Variants in ZNF875 observed in about 807,000 individuals in gnomAD.
ZNF875 encodes zinc finger protein 875.
A neutral mutation model predicts 11.2 loss-of-function variants in ZNF875; 14 were observed. The ratio of observed to expected loss-of-function variants is 1.26; its 90% CI spans 0.83 to 1.96. The LOEUF (loss-of-function observed/expected upper bound fraction) is 1.96. Among genes scored for constraint, ZNF875 ranks in the 30% most tolerant of loss-of-function variants. The pLI is 0.00. For missense variants in ZNF875, 752 were observed against 760.4 expected, an observed-to-expected ratio of 0.99 and a Z score of 0.13; for synonymous variants, 301 against 281.1, an observed-to-expected ratio of 1.07 and a Z score of -0.71.
At chr19:37,339,523 T>C (rs2035225101) in intron 2 of ZNF875, among the ~76,000 whole-genome samples, 1 of 151,084 alleles carries the variant, frequency 6.6e-6, no homozygotes. Flanking sequence ...CCCACAGCAG[T>C]TGGAGATTTG....
intron 4 of ZNF875, among the ~76,000 whole-genome samples, chr19:37,349,966 T>C (rs2037522706): frequency 3.3e-5 from 1 of 30,078 alleles, no homozygotes; most frequent in Admixed American, 3.5e-4. Context: ...CCACTGGCCT[T>C]TTTTTTTTTT....
At chr19:37,333,100 A>G (rs573041151), upstream of ZNF875, among the ~76,000 whole-genome samples, 130 of 152,228 alleles carry the variant, frequency 8.5e-4, no homozygotes, top group Admixed American at 1.4e-3. Context: ...GAGTCCCCTT[A>G]TTACTTGACC....
chr19:37,360,336 G>A (rs750103812), intron 4 of ZNF875, among the ~76,000 whole-genome samples: 5 of 152,098 alleles, frequency 3.3e-5, no homozygotes, highest in Non-Finnish European at 7.4e-5. Context: ...TTTATATTAA[G>A]TTTTGAAGTT....
At chr19:37,358,996 G>T (rs1483114192) in intron 4 of ZNF875, among the ~76,000 whole-genome samples, 2 of 151,804 alleles carry the variant, frequency 1.3e-5, no homozygotes, top group African/African-American at 4.8e-5. Context: ...TGCCTCCTGG[G>T]TTCAAGTGAT....
intron 4 of ZNF875, among the ~76,000 whole-genome samples, chr19:37,327,468 AC>A (rs1762952349): frequency 1.3e-5 from 2 of 152,230 alleles, no homozygotes; most frequent in Non-Finnish European, 2.9e-5. Flanking sequence ...TTAAACTAAT[AC>A]GGAATTTCAT....
intron 2 of ZNF875, chr19:37,344,706 T>G: frequency 1.9e-6 from 3 of 1,613,992 alleles, no homozygotes; most frequent in Non-Finnish European, 2.5e-6. Flanking sequence ...CCACACAGTG[T>G]CTACAATGCT....
chr19:37,351,380 A>G (rs1460438454), intron 4 of ZNF875, among the ~76,000 whole-genome samples: 1 of 152,142 alleles, frequency 6.6e-6, no homozygotes, highest in African/African-American at 2.4e-5. Flanking sequence ...CAAAGAGTCA[A>G]CTTTTGGTTT....
At chr19:37,321,698 G>A (rs1189866493) in intron 1 of ZNF875, among the ~76,000 whole-genome samples, 1 of 152,162 alleles carries the variant, frequency 6.6e-6, no homozygotes, top group Non-Finnish European at 1.5e-5. Flanking sequence ...CAGCCTCAGG[G>A]TAGTCAGAAT....
chr19:37,349,078 C>T (rs1325176941), intron 4 of ZNF875, among the ~76,000 whole-genome samples: 1 of 152,094 alleles, frequency 6.6e-6, no homozygotes, highest in African/African-American at 2.4e-5. Context: ...CAATCCATGG[C>T]GTGGAGGAGC....
chr19:37,331,079 C>T (rs898122841), upstream of ZNF875, among the ~76,000 whole-genome samples: 12 of 147,846 alleles, frequency 8.1e-5, no homozygotes, highest in African/African-American at 2.7e-4. Context: ...CCCAGCTACT[C>T]GGGAGGCTGA....
rs890152543 is a variant in ZNF875 at position 37,326,664 on chromosome 19, C to T, written c.-603+2399C>T. ...CAAATTCTAAAGTTAAATTAGAAAG[C>T]TTTTTTTTTTTTTTTTTTTTTGAGT... On this transcript the variant is annotated intron_variant, in intron 4 of 5. Coordinates refer to the ZNF875 transcript ENST00000544914. Among the ~76,000 whole-genome samples the T allele has an allele frequency of 5.4e-3, 473 of 88,076 alleles. 5 individuals are homozygous for T. The highest frequency in any genetic ancestry group is 0.018 in the African/African-American group (417 of 22,648). 57.8% of individuals were successfully genotyped at this position (88,076 alleles called of 152,430 possible). A position where few individuals can be genotyped will look rare whatever the true frequency, so the allele number is the denominator to read the frequency against.
In ZNF875 at chr19:37,363,815, C is replaced by G; in HGVS notation, c.*40C>G. ...TAGGGAATGTGGTACAGCCTTTAGC[C>G]AGGAGTCATACTTCATCAGACACCA... On this transcript the variant is annotated 3_prime_UTR_variant, in exon 5 of 5. Transcript: ENST00000392153. The G allele has an allele frequency of 6.5e-7, 1 of 1,546,028 alleles. No individual in the cohort carries two copies. Among genetic ancestry groups the G allele is most frequent in the Non-Finnish European group, 8.9e-7 (1 of 1,123,076 alleles).
intron 2 of ZNF875, among the ~76,000 whole-genome samples, chr19:37,336,834 G>A (rs1222267979): frequency 6.6e-6 from 1 of 151,918 alleles, no homozygotes; most frequent in Non-Finnish European, 1.5e-5. Flanking sequence ...CTTGAACCTG[G>A]GAAGCGGGGG....
chr19:37,319,429 G>T (rs372051878), intron 1 of ZNF875, among the ~76,000 whole-genome samples: 2 of 148,308 alleles, frequency 1.3e-5, no homozygotes, highest in South Asian at 2.1e-4. Context: ...GTGGATCTCT[G>T]ACTTTTGTAG....
intron 4 of ZNF875, among the ~76,000 whole-genome samples, chr19:37,328,181 G>C (rs1280005547): frequency 2.0e-5 from 3 of 152,106 alleles, no homozygotes; most frequent in Non-Finnish European, 1.5e-5. Context: ...GGAGCCTGCA[G>C]TAAGCCAAGA....
At chr19:37,313,427 C>T (rs1179569619), upstream of ZNF875, 1 of 152,230 alleles carries the variant, frequency 6.6e-6, no homozygotes, top group Admixed American at 6.5e-5. Context: ...GATGTGTCAC[C>T]CTGAGAGATG....
At chr19:37,349,294 G>A (rs2037403560) in intron 4 of ZNF875, among the ~76,000 whole-genome samples, 1 of 152,134 alleles carries the variant, frequency 6.6e-6, no homozygotes, top group African/African-American at 2.4e-5. Context: ...ACTCCAATAT[G>A]TCATTTTTTG....
chr19:37,361,235 C>T (rs1160444837), intron 4 of ZNF875, among the ~76,000 whole-genome samples: 1 of 151,798 alleles, frequency 6.6e-6, no homozygotes, highest in Non-Finnish European at 1.5e-5. Context: ...CTCAGCCTCC[C>T]AAGTAGCCGA....
upstream of ZNF875, among the ~76,000 whole-genome samples, chr19:37,314,481 T>A (rs1001483936): frequency 6.6e-6 from 1 of 152,108 alleles, no homozygotes. Context: ...AGATGATGCA[T>A]CAGAAATTAA....
Sources: allele counts gnomAD v4.1 joint callset (sites outside exome capture counted in the v4.1 genomes callset), GRCh38; gene constraint gnomAD v4.1.1; transcripts MANE v1.5; gene names NCBI Gene and HGNC (gene_info 2026-07-23, HGNC 2026-07-21).